DNAJC27: variants seen among roughly 807,000 people sequenced by gnomAD.
DNAJC27 encodes the protein DnaJ heat shock protein family (Hsp40) member C27, also known as dnaJ homolog subfamily C member 27.
DNAJC27 carries 25 observed loss-of-function variants against 31.4 expected under a neutral mutation model. The ratio of observed to expected loss-of-function variants is 0.80; its 90% confidence interval spans 0.58 to 1.11. The LOEUF (loss-of-function observed/expected upper bound fraction) is 1.11, where lower values mean the gene tolerates loss of function less well. Ranked by LOEUF, DNAJC27 falls within the 50% of genes most tolerant of loss-of-function variation. The pLI is 0.00. For missense variants in DNAJC27, 356 were observed against 347.3 expected, an observed-to-expected ratio of 1.02 and a Z score of -0.20; for synonymous variants, 106 against 112.7, an observed-to-expected ratio of 0.94 and a Z score of 0.37.
intron 2 of DNAJC27, among the ~76,000 whole-genome samples, chr2:24,965,240 A>G (rs1666151511): frequency 6.6e-6 from 1 of 151,738 alleles, no homozygotes; most frequent in Admixed American, 6.6e-5. Context: ...AGAAAAAAAA[A>G]AGAATGTGAA....
chr2:24,952,095 C>T (rs1354742554), intron 5 of DNAJC27, among the ~76,000 whole-genome samples: 2 of 152,206 alleles, frequency 1.3e-5, no homozygotes. Flanking sequence ...GCCTGGGTGA[C>T]AGAGCCAGAC....
intron 5 of DNAJC27, among the ~76,000 whole-genome samples, chr2:24,955,346 A>C (rs1490734291): frequency 6.6e-6 from 1 of 152,210 alleles, no homozygotes; most frequent in Admixed American, 6.5e-5. Context: ...AAATCAACAG[A>C]GACTATGCAA....
chr2:24,970,574 C>A (rs1034060125), intron 1 of DNAJC27, among the ~76,000 whole-genome samples: 5 of 150,906 alleles, frequency 3.3e-5, no homozygotes, highest in African/African-American at 1.2e-4. Context: ...AAGCGATTCT[C>A]CCGCCTCGGC....
At position 24,951,470 on chromosome 2, in the gene DNAJC27, G is replaced by T; in HGVS notation, c.613C>A (p.Gln205Lys). 3.7e-6 allele frequency: 6 copies of T among 1,613,840 alleles called. No homozygotes were observed. The highest frequency in any genetic ancestry group is 5.1e-6 in the Non-Finnish European group (6 of 1,179,876). Reference protein sequence around the residue: ...TNSSASFTKEQADAIRRIRNS... With the variant: ...TNSSASFTKEKADAIRRIRNS... Reference sequence around the variant, plus strand: ...CGAATTCTGCGAATGGCATCTGCTTGTTCTTTGGTGAAACTAGCACTGCTA... The same window carrying T: ...CGAATTCTGCGAATGGCATCTGCTTTTTCTTTGGTGAAACTAGCACTGCTA... Residue 205 changes from glutamine to lysine, a missense_variant, in exon 6 of 7, where the codon CAA becomes AAA. By Grantham distance (53) the Gln-to-Lys change is moderately conservative. Coordinates refer to ENST00000264711, the MANE Select transcript of DNAJC27 (RefSeq NM_016544.3).
chr2:24,971,066 C>A (rs750018406), intron 1 of DNAJC27, among the ~76,000 whole-genome samples: 5 of 152,136 alleles, frequency 3.3e-5, no homozygotes, highest in Non-Finnish European at 5.9e-5. Context: ...AAGTTCTTAA[C>A]CAACAGATTC....
At chr2:24,953,987 G>GC (rs1330047743) in intron 5 of DNAJC27, among the ~76,000 whole-genome samples, 2 of 152,132 alleles carry the variant, frequency 1.3e-5, no homozygotes, top group African/African-American at 2.4e-5. Flanking sequence ...TGAGAGATAA[G>GC]CCCCCCAATC....
Position 24,947,000 on chromosome 2 carries a change from TG to T in DNAJC27, c.*615del, listed in dbSNP as rs1665666310. 6.6e-6 allele frequency: 1 copy of T among 152,242 alleles called. No individual in the cohort carries two copies. Among genetic ancestry groups the T allele is most frequent in the Non-Finnish European group, 1.5e-5 (1 of 68,080 alleles). 9.4% of individuals were successfully genotyped at this position (152,242 alleles called of 1,614,324 possible). ...CTTAGGACTGGCTTGTCTCTCCCAC[TG>T]GTGGCTGCAGAAGAGGAACAGAGTG... On this transcript the variant is annotated 3_prime_UTR_variant, in exon 7 of 7. Coordinates refer to ENST00000264711, the MANE Select transcript of DNAJC27 (RefSeq NM_016544.3).
intron 1 of DNAJC27, among the ~76,000 whole-genome samples, chr2:24,967,904 C>G (rs1666229738): frequency 6.6e-6 from 1 of 151,784 alleles, no homozygotes; most frequent in Admixed American, 6.6e-5. Context: ...TAGCCTTGAC[C>G]TCACTGCCAA....
intron 2 of DNAJC27, among the ~76,000 whole-genome samples, chr2:24,964,438 G>C (rs1026120324): frequency 1.4e-5 from 2 of 146,922 alleles, no homozygotes; most frequent in Non-Finnish European, 3.0e-5. Flanking sequence ...AAAAAAAAAA[G>C]AAAAATAAAT....
In DNAJC27 at chr2:24,947,753, G is replaced by A; in HGVS notation, c.690-5C>T. On this transcript the variant is annotated splice_region_variant and splice_polypyrimidine_tract_variant and intron_variant, in intron 6 of 6. Coordinates refer to ENST00000264711, the MANE Select transcript of DNAJC27 (RefSeq NM_016544.3). ...TACGCTTTATTGACTTCATCCCTGG[G>A]AAAAGAAGCCAAGATCTATGTTAGT... 1 of 1,609,900 alleles carries A rather than the reference G, an allele frequency of 6.2e-7. No homozygotes were observed.
chr2:24,947,650 T>A lies in DNAJC27; in HGVS notation c.788A>T (p.Asn263Ile). ...GSEDAFKAVV[N>I]ARTALLKNIK ...GTTTTTCAGGAGGGCTGTCCGAGCATTCACAACTGCTTTGAAGGCATCTTC... is the reference window on the plus strand; with the variant it reads ...GTTTTTCAGGAGGGCTGTCCGAGCAATCACAACTGCTTTGAAGGCATCTTC... Residue 263 changes from asparagine to isoleucine, a missense_variant, in exon 7 of 7, where the codon AAT becomes ATT. By Grantham distance (149) the Asn-to-Ile change is moderately radical. Coordinates refer to ENST00000264711, the MANE Select transcript of DNAJC27 (RefSeq NM_016544.3). 1.2e-6 allele frequency: 2 copies of A among 1,611,708 alleles called. No individual in the cohort carries two copies. The highest frequency in any genetic ancestry group is 2.2e-5 in the South Asian group (2 of 90,922).
intron 1 of DNAJC27, chr2:24,969,357 A>C (rs1666267911): frequency 6.2e-6 from 1 of 160,634 alleles, no homozygotes; most frequent in South Asian, 1.7e-4. Context: ...TTTATACATC[A>C]CAGAAACCAA....
intron 2 of DNAJC27, among the ~76,000 whole-genome samples, chr2:24,965,201 G>A (rs1326369275): frequency 2.6e-5 from 4 of 151,324 alleles, no homozygotes; most frequent in South Asian, 4.2e-4. Flanking sequence ...CAGCCTGAGC[G>A]ACAAGAGCGA....
chr2:24,967,011 C>G (rs1233947676), intron 2 of DNAJC27, among the ~76,000 whole-genome samples, 200 bp downstream of exon 2: 2 of 152,202 alleles, frequency 1.3e-5, no homozygotes, highest in Non-Finnish European at 2.9e-5. Context: ...ATGGGATGTG[C>G]TCAATACCAA....
intron 5 of DNAJC27, among the ~76,000 whole-genome samples, chr2:24,952,537 T>C (rs937750105): frequency 6.6e-6 from 1 of 152,252 alleles, no homozygotes; most frequent in Non-Finnish European, 1.5e-5. Context: ...TTTGCTACTA[T>C]AAACAGTGCT....
In DNAJC27 at chr2:24,947,531, G is replaced by T. The variant is rs964938619; in HGVS notation, c.*85C>A. On this transcript the variant is annotated 3_prime_UTR_variant, in exon 7 of 7. Coordinates refer to ENST00000264711, the MANE Select transcript of DNAJC27 (RefSeq NM_016544.3). ...AATGAAAAGAGCAGTGAGATTCTGG[G>T]AAGGAAAACTCCACGTTGGTTATTT... 5.4e-6 allele frequency: 8 copies of T among 1,472,468 alleles called. No homozygotes were observed. In the African/African-American group the frequency reaches 5.6e-5, roughly 10 times the overall value. 91.2% of individuals were successfully genotyped at this position (1,472,468 alleles called of 1,614,324 possible).
intron 5 of DNAJC27, chr2:24,953,555 GA>G: frequency 2.8e-6 from 1 of 357,832 alleles, no homozygotes; most frequent in South Asian, 1.1e-4. Context: ...CTTACTTATA[GA>G]ATACTGTAAT....
At chr2:24,960,060 T>C (rs1666004350) in intron 3 of DNAJC27, among the ~76,000 whole-genome samples, 1 of 152,224 alleles carries the variant, frequency 6.6e-6, no homozygotes, top group Admixed American at 6.5e-5. Flanking sequence ...TATTGTGTTT[T>C]TTTACAAAGT....
At position 24,967,340 on chromosome 2, in the gene DNAJC27, C is replaced by T. The variant is rs376189923; in HGVS notation, c.88-47G>A. The T allele has an allele frequency of 1.2e-4, 145 of 1,229,868 alleles. 1 individual carries two copies. Among genetic ancestry groups the T allele is most frequent in the Non-Finnish European group, 1.6e-4 (134 of 836,188 alleles). The allele number at this position is 1,229,868 out of a possible 1,614,324, so 76.2% of individuals were successfully genotyped here. On this transcript the variant is annotated intron_variant, in intron 1 of 6. Transcript: ENST00000264711. Reference sequence around the variant, plus strand: ...GCATTTAGTAAATACATAGTGAGAACACATACAGAATAAGTATATTTCTTC... The same window carrying T: ...GCATTTAGTAAATACATAGTGAGAATACATACAGAATAAGTATATTTCTTC...
Sources: allele counts gnomAD v4.1 joint callset (sites outside exome capture counted in the v4.1 genomes callset), GRCh38; gene constraint gnomAD v4.1.1; transcripts MANE v1.5; gene names NCBI Gene and HGNC (gene_info 2026-07-23, HGNC 2026-07-21).